The following NRXN1 variants were observed in gnomAD, a reference collection of about 807,000 sequenced individuals.
The protein encoded by NRXN1 is neurexin-1.
A neutral mutation model predicts 150.9 loss-of-function variants in NRXN1; 39 were observed. That is an observed-to-expected ratio of 0.26 (90% confidence interval 0.20 to 0.34). The LOEUF is 0.34. NRXN1 is among the 10% of genes least tolerant of loss of function. The probability of loss-of-function intolerance (pLI) is 1.00; values close to 1 mark genes in which losing one functional copy is unlikely to be tolerated. For synonymous variants in NRXN1, 924 were observed against 757.0 expected (o/e 1.22, Z -3.62); for missense variants, 1,815 against 1,949.9 (o/e 0.93, Z 1.30).
At chr2:50,115,845 T>C (rs7590544) in intron 18 of NRXN1, among the ~76,000 whole-genome samples, 50,209 of 151,886 alleles carry the variant, frequency 0.33, 8,848 homozygotes, top group Admixed American at 0.43. Flanking sequence ...ATAAGAATCA[T>C]GTACATATGT....
chr2:50,091,180 T>C (rs575350209), intron 19 of NRXN1, 143 bp downstream of exon 19: 4 of 915,986 alleles, frequency 4.4e-6, no homozygotes, highest in Non-Finnish European at 7.0e-6. Flanking sequence ...AGGACAGCAT[T>C]ACATTCACAT....
At chr2:50,071,211 C>A (rs1458774510) in intron 19 of NRXN1, among the ~76,000 whole-genome samples, 1 of 152,184 alleles carries the variant, frequency 6.6e-6, no homozygotes, top group East Asian at 1.9e-4. Flanking sequence ...AATACTTTTT[C>A]TGAAGTCTTT....
At chr2:50,157,444 G>T (rs1307849471) in intron 18 of NRXN1, among the ~76,000 whole-genome samples, 2 of 151,896 alleles carry the variant, frequency 1.3e-5, no homozygotes, top group Admixed American at 6.6e-5. Context: ...ATTATTCCAG[G>T]AATACGTATT....
At chr2:50,128,976 T>A (rs1468759602) in intron 18 of NRXN1, among the ~76,000 whole-genome samples, 1 of 140,622 alleles carries the variant, frequency 7.1e-6, no homozygotes, top group East Asian at 2.2e-4. Context: ...AGAGTGAGAC[T>A]CCATCTCAAT....
intron 18 of NRXN1, among the ~76,000 whole-genome samples, chr2:50,098,198 G>T (rs552608463): frequency 6.6e-6 from 1 of 152,134 alleles, no homozygotes; most frequent in Non-Finnish European, 1.5e-5. Flanking sequence ...CTAATAAAAA[G>T]TATGTAATAT....
At chr2:50,263,238 A>T (rs769813887) in intron 17 of NRXN1, among the ~76,000 whole-genome samples, 5 of 151,818 alleles carry the variant, frequency 3.3e-5, no homozygotes, top group Non-Finnish European at 5.9e-5. Flanking sequence ...AAAGTTGGTG[A>T]GCAGGAGGAA....
chr2:50,079,153 CT>C (rs1464217333), intron 19 of NRXN1, among the ~76,000 whole-genome samples: 1 of 151,904 alleles, frequency 6.6e-6, no homozygotes, highest in African/African-American at 2.4e-5. Flanking sequence ...TTATTTTACT[CT>C]TTTGGTTATA....
intron 21 of NRXN1, among the ~76,000 whole-genome samples, chr2:49,957,403 G>A (rs2104514734): frequency 6.6e-6 from 1 of 152,116 alleles, no homozygotes; most frequent in Non-Finnish European, 1.5e-5. Context: ...GGCTCTTGTA[G>A]ACATTTTCAC....
chr2:50,678,539 T>A (rs1339145131), intron 5 of NRXN1, among the ~76,000 whole-genome samples: 1 of 152,200 alleles, frequency 6.6e-6, no homozygotes, highest in Admixed American at 6.5e-5. Context: ...GCCATCTGTA[T>A]CACTGACCAG....
chr2:50,087,887 A>G (rs1699020535), intron 19 of NRXN1, among the ~76,000 whole-genome samples: 1 of 152,188 alleles, frequency 6.6e-6, no homozygotes, highest in African/African-American at 2.4e-5. Flanking sequence ...TGTTGCTACC[A>G]GATGAATTGC....
At chr2:50,899,870 A>C (rs1682647191) in intron 5 of NRXN1, among the ~76,000 whole-genome samples, 1 of 152,212 alleles carries the variant, frequency 6.6e-6, no homozygotes, top group African/African-American at 2.4e-5. Flanking sequence ...TTCCACATCA[A>C]ACTAATTAGA....
intron 18 of NRXN1, among the ~76,000 whole-genome samples, chr2:50,140,865 A>T (rs1402408320): frequency 6.6e-6 from 1 of 152,052 alleles, no homozygotes. Flanking sequence ...TGAAAGATAT[A>T]GAATATTATG....
intron 21 of NRXN1, among the ~76,000 whole-genome samples, chr2:49,944,261 A>G (rs1408135555): frequency 6.6e-6 from 1 of 152,204 alleles, no homozygotes; most frequent in Non-Finnish European, 1.5e-5. Context: ...ATAGCTTGTT[A>G]TTGGAGGAAA....
chr2:50,699,543 G>A (rs892712370), intron 5 of NRXN1, among the ~76,000 whole-genome samples: 1 of 151,936 alleles, frequency 6.6e-6, no homozygotes, highest in African/African-American at 2.4e-5. Flanking sequence ...CAGAGGAAGG[G>A]GCACCTGGAA....
intron 5 of NRXN1, among the ~76,000 whole-genome samples, chr2:50,866,216 T>G (rs1676920664): frequency 6.6e-6 from 1 of 151,950 alleles, no homozygotes; most frequent in African/African-American, 2.4e-5. Context: ...TCCACCACAT[T>G]GAAACTGTGG....
chr2:50,376,445 A>G (rs2080503506), intron 17 of NRXN1, among the ~76,000 whole-genome samples: 1 of 151,938 alleles, frequency 6.6e-6, no homozygotes, highest in Non-Finnish European at 1.5e-5. Flanking sequence ...TATTTAAACT[A>G]CCCAGGTTCT....
chr2:50,956,497 C>T (rs1692306808), intron 2 of NRXN1, among the ~76,000 whole-genome samples: 1 of 151,998 alleles, frequency 6.6e-6, no homozygotes, highest in Non-Finnish European at 1.5e-5. Flanking sequence ...CCTGTAATCC[C>T]AACACTTTGG....
At chr2:50,880,725 A>G (rs1679308658) in intron 5 of NRXN1, among the ~76,000 whole-genome samples, 1 of 152,004 alleles carries the variant, frequency 6.6e-6, no homozygotes, top group South Asian at 2.1e-4. Context: ...GACATAAATA[A>G]ATGGAGTTTG....
At chr2:50,025,694 A>G (rs1688177147) in intron 21 of NRXN1, among the ~76,000 whole-genome samples, 1 of 152,244 alleles carries the variant, frequency 6.6e-6, no homozygotes, top group Admixed American at 6.5e-5. Flanking sequence ...CTATAGTGCC[A>G]GGAATGTTGC....
Sources: allele counts gnomAD v4.1 joint callset (sites outside exome capture counted in the v4.1 genomes callset), GRCh38; gene constraint gnomAD v4.1.1; transcripts MANE v1.5; gene names NCBI Gene and HGNC (gene_info 2026-07-23, HGNC 2026-07-21).